NIPBL: variants seen among roughly 807,000 people sequenced by gnomAD.
The protein encoded by NIPBL is NIPBL cohesin loading factor, also known as nipped-B-like protein.
In NIPBL, 19 loss-of-function variants were observed where a neutral mutation model predicts 321.8. The ratio of observed to expected loss-of-function variants is 0.06; its 90% CI spans 0.04 to 0.09. The LOEUF is 0.09. Among genes scored for constraint, NIPBL ranks in the 10% least tolerant of loss-of-function variants. The probability of loss-of-function intolerance (pLI) is 1.00; values close to 1 mark genes in which losing one functional copy is unlikely to be tolerated. For missense variants in NIPBL, 2,210 were observed against 3,327.0 expected (o/e 0.66, Z 8.26); for synonymous variants, 1,106 against 1,114.1 (o/e 0.99, Z 0.14).
In NIPBL at chr5:36,901,500, C is replaced by CTTT. The variant is rs35178851; in HGVS notation, c.-80+24346_-80+24348dup. On this transcript the variant is annotated intron_variant, in intron 1 of 46. Transcript: ENST00000282516. ...CTGGGTTGCATGGTCCTTCTAAGTCCTTTTTTTTTTTTTTTTTTTTTTTTT... is the reference window on the plus strand; with the variant it reads ...CTGGGTTGCATGGTCCTTCTAAGTCCTTTTTTTTTTTTTTTTTTTTTTTTTTTT... Among the ~76,000 whole-genome samples the CTTT allele has an allele frequency of 1.2e-3, 94 of 77,456 alleles. 8 individuals are homozygous for CTTT. The highest frequency in any genetic ancestry group is 3.7e-3 in the African/African-American group (68 of 18,136). 50.8% of individuals were successfully genotyped at this position (77,456 alleles called of 152,430 possible).
chr5:36,961,582 A>G lies in NIPBL; in HGVS notation c.457A>G (p.Ser153Gly). 2.0e-6 allele frequency: 3 copies of G among 1,525,294 alleles called. No individual in the cohort carries two copies. Among genetic ancestry groups the G allele is most frequent in the Non-Finnish European group, 2.7e-6 (3 of 1,099,022 alleles). The allele number at this position is 1,525,294 out of a possible 1,614,324, so 94.5% of individuals were successfully genotyped here. The change falls in exon 5 of 47, where the codon AGC becomes GGC. Residue 153 changes from serine to glycine, a missense_variant and splice_region_variant. Physicochemically the swap from Ser to Gly is moderately conservative, Grantham distance 56. This residue lies in a region of NIPBL where 464 missense variants were observed against 529.5 expected (regional missense o/e 0.88). Coordinates refer to ENST00000282516, the MANE Select transcript of NIPBL (RefSeq NM_133433.4). ...QQTTISHSPSSRFVPPQTSSG... is the reference protein window; with the variant it reads ...QQTTISHSPSGRFVPPQTSSG... The stretch of plus-strand genomic sequence containing the variant: ...AACCACTATCTCACATAGCCCCTCC[A>G]GGTAATATATGTATATATCGTTTAT...
chr5:37,017,492 T>C (rs1387742836), intron 24 of NIPBL, among the ~76,000 whole-genome samples: 2 of 152,052 alleles, frequency 1.3e-5, no homozygotes, highest in Admixed American at 1.3e-4. Context: ...CACAATAAGA[T>C]TGTTTTGTAC....
intron 27 of NIPBL, 97 bp from the exon 28 acceptor site, chr5:37,021,954 A>G: frequency 1.1e-6 from 1 of 893,278 alleles, no homozygotes; most frequent in Non-Finnish European, 1.8e-6. Context: ...AAGAGAGGTA[A>G]ATAATAGATT....
intron 8 of NIPBL, 104 bp from the exon 9 acceptor site, chr5:36,975,668 CTTAT>C: frequency 9.2e-7 from 1 of 1,081,260 alleles, no homozygotes; most frequent in Non-Finnish European, 1.4e-6. Context: ...TATATAATTT[CTTAT>C]TTTTTTCTAG....
chr5:37,020,976 C>T, intron 27 of NIPBL, 99 bp downstream of exon 27: 1 of 888,666 alleles, frequency 1.1e-6, no homozygotes, highest in Non-Finnish European at 1.9e-6. Flanking sequence ...AGTACAGATA[C>T]TTAAAAGATC....
intron 1 of NIPBL, among the ~76,000 whole-genome samples, chr5:36,938,328 CCA>C (rs142344023): frequency 2.5e-4 from 37 of 150,362 alleles, no homozygotes; most frequent in Non-Finnish European, 2.4e-4. Context: ...GAGGCACACA[CCA>C]CACACACACA....
chr5:36,930,657 A>G (rs572350193), intron 1 of NIPBL, among the ~76,000 whole-genome samples: 16 of 152,218 alleles, frequency 1.1e-4, no homozygotes, highest in African/African-American at 3.6e-4. Context: ...TTCTCCTGAT[A>G]GGGAAGTTAG....
chr5:37,041,201 G>C (rs1752301820), intron 34 of NIPBL, among the ~76,000 whole-genome samples: 1 of 147,792 alleles, frequency 6.8e-6, no homozygotes, highest in South Asian at 2.1e-4. Context: ...TTCCAGGCCA[G>C]GATGTTAAGG....
intron 3 of NIPBL, 116 bp from the exon 4 acceptor site, chr5:36,957,983 CAAAAA>C (rs141750225): frequency 2.0e-4 from 150 of 752,712 alleles, no homozygotes; most frequent in Admixed American, 2.4e-4. Flanking sequence ...GACTTCGTCT[CAAAAA>C]AAAAAAAAAA....
intron 9 of NIPBL, among the ~76,000 whole-genome samples, chr5:36,983,992 T>G (rs964720360): frequency 2.0e-5 from 3 of 152,046 alleles, no homozygotes; most frequent in Non-Finnish European, 4.4e-5. Context: ...TCTATACCTA[T>G]GAAATCTGTT....
Position 37,042,899 on chromosome 5 carries a change from G to GCACACACA in NIPBL, c.6109-1431_6109-1424dup, listed in dbSNP as rs70976273. On this transcript the variant is annotated intron_variant, in intron 34 of 46. Coordinates refer to ENST00000282516, the MANE Select transcript of NIPBL (RefSeq NM_133433.4). ...TGAAAGCCTTACTACACACACGCGC[G>GCACACACA]CACACACACACACACACACACACAT... Among the ~76,000 whole-genome samples, 14 of 144,898 alleles carry GCACACACA rather than the reference G, an allele frequency of 9.7e-5. No individual in the cohort carries two copies. The East Asian group carries it at 1.0e-3, about 10-fold the overall frequency.
chr5:37,017,146 A>G lies in NIPBL; in HGVS notation c.4904A>G (p.Glu1635Gly). 1.2e-6 allele frequency: 2 copies of G among 1,611,270 alleles called. No individual in the cohort carries two copies. The highest frequency in any genetic ancestry group is 1.7e-6 in the Non-Finnish European group (2 of 1,177,784). ...VTSKMDQGSI[E>G]RILKQVSGGE... Reference sequence around the variant, plus strand: ...AGCAAAATGGATCAAGGATCTATAGAACGCATTTTAAAACAGGTACTAAGA... The same window carrying G: ...AGCAAAATGGATCAAGGATCTATAGGACGCATTTTAAAACAGGTACTAAGA... Residue 1635 changes from glutamate to glycine, a missense_variant, in exon 24 of 47, where the codon GAA becomes GGA. Glu to Gly is a moderately conservative substitution (Grantham distance 98, BLOSUM62 -2). This residue lies in a region of NIPBL where 138 missense variants were observed against 175.8 expected (regional missense o/e 0.79). Coordinates refer to ENST00000282516, the MANE Select transcript of NIPBL (RefSeq NM_133433.4).
intron 10 of NIPBL, among the ~76,000 whole-genome samples, chr5:36,993,341 A>G (rs1484991852): frequency 6.6e-6 from 1 of 152,182 alleles, no homozygotes; most frequent in Non-Finnish European, 1.5e-5. Flanking sequence ...GATACTAGAG[A>G]GGTCTTAATT....
At chr5:36,919,162 A>G (rs1348700581) in intron 1 of NIPBL, among the ~76,000 whole-genome samples, 3 of 152,228 alleles carry the variant, frequency 2.0e-5, no homozygotes, top group African/African-American at 7.2e-5. Context: ...ATATAGGATT[A>G]CCAGGTTTTT....
At position 37,035,953 on chromosome 5, in the gene NIPBL, G is replaced by A. The variant is rs74567835; in HGVS notation, c.5863-426G>A. Reference sequence around the variant, plus strand: ...GGATAATGCAGAAAAGAAATCTACCGTTATGTTTTATAATTGCCTTTTAAG... The same window carrying A: ...GGATAATGCAGAAAAGAAATCTACCATTATGTTTTATAATTGCCTTTTAAG... On this transcript the variant is annotated intron_variant, in intron 32 of 46. Transcript: ENST00000282516. 6.7e-3 allele frequency among the ~76,000 whole-genome samples: 1,012 copies of A among 152,160 alleles called. 7 individuals carry two copies. The highest frequency in any genetic ancestry group is 9.1e-3 in the Non-Finnish European group (620 of 67,964).
intron 1 of NIPBL, among the ~76,000 whole-genome samples, chr5:36,888,704 T>C (rs1191966975): frequency 6.6e-6 from 1 of 152,118 alleles, no homozygotes; most frequent in Non-Finnish European, 1.5e-5. Context: ...TTCATGGTTT[T>C]GTATAACTTT....
At chr5:36,926,710 T>C (rs1749390980) in intron 1 of NIPBL, among the ~76,000 whole-genome samples, 1 of 152,164 alleles carries the variant, frequency 6.6e-6, no homozygotes, top group African/African-American at 2.4e-5. Flanking sequence ...AAATAATTTG[T>C]GGTTTTTATT....
At chr5:36,962,380 T>C in intron 6 of NIPBL, 106 bp downstream of exon 6, 2 of 1,124,310 alleles carry the variant, frequency 1.8e-6, no homozygotes, top group Non-Finnish European at 1.3e-6. Context: ...AATACTATAC[T>C]GTATACTTGT....
chr5:37,008,314 C>G (rs1356676987), intron 19 of NIPBL, among the ~76,000 whole-genome samples: 1 of 152,028 alleles, frequency 6.6e-6, no homozygotes, highest in Non-Finnish European at 1.5e-5. Flanking sequence ...TAAAACACTT[C>G]CAAATATTTG....
Sources: gnomAD v4.1 joint callset for allele counts (sites outside exome capture counted in the v4.1 genomes callset) on GRCh38, gnomAD v4.1.1 for gene constraint, gnomAD v4.1.1 regional missense constraint, MANE v1.5 for transcripts, NCBI Gene and HGNC (gene_info 2026-07-23, HGNC 2026-07-21) for gene names.